The following SLC4A4 variants were observed in gnomAD, a reference collection of about 807,000 sequenced individuals.
SLC4A4 encodes the protein electrogenic sodium bicarbonate cotransporter 1.
In SLC4A4, 27 loss-of-function variants were observed where a neutral mutation model predicts 111.5. The observed-to-expected ratio is 0.24, with a 90% CI of 0.18 to 0.33. The LOEUF is 0.33. SLC4A4 is among the 10% of genes least tolerant of loss of function. The pLI is 1.00. For missense variants in SLC4A4, 909 were observed against 1,315.5 expected, an observed-to-expected ratio of 0.69 and a Z score of 4.78; for synonymous variants, 443 against 463.4, an observed-to-expected ratio of 0.96 and a Z score of 0.57.
rs1744803307 is a variant in SLC4A4 at position 71,167,290 on chromosome 4, C to A, written c.-1-69286C>A. On this transcript the variant is annotated intron_variant, in intron 2 of 26. Coordinates refer to the SLC4A4 transcript ENST00000649996. ...GGAGCCAAGCAAGGCAGCATTAGGA[C>A]AATTGGGTTTCTTATACAGCAGCTC... Among the ~76,000 whole-genome samples the A allele has an allele frequency of 2.0e-5, 3 of 152,158 alleles. No homozygotes were observed. The South Asian group carries it at 6.2e-4, about 32-fold the overall frequency.
At chr4:71,555,106 C>T (rs752179226) in intron 20 of SLC4A4, 34 bp from the exon 21 acceptor site, 9 of 1,434,682 alleles carry the variant, frequency 6.3e-6, no homozygotes, top group East Asian at 2.3e-5. Flanking sequence ...TTCTTGTTAT[C>T]ATTTTTAAGT....
At chr4:71,360,719 T>A (rs1395192457) in intron 6 of SLC4A4, among the ~76,000 whole-genome samples, 8 of 152,162 alleles carry the variant, frequency 5.3e-5, no homozygotes, top group Non-Finnish European at 1.5e-5. Context: ...TTGGCCAAGA[T>A]CAACTAAAGT....
intron 3 of SLC4A4, among the ~76,000 whole-genome samples, chr4:71,260,072 C>T (rs986470822): frequency 1.3e-5 from 2 of 152,054 alleles, no homozygotes; most frequent in Non-Finnish European, 2.9e-5. Flanking sequence ...TGGATGTGTA[C>T]CAGAACTGAT....
At chr4:71,292,842 G>GTTTTTTT (rs869195687) in intron 3 of SLC4A4, among the ~76,000 whole-genome samples, 3 of 110,184 alleles carry the variant, frequency 2.7e-5, no homozygotes, top group African/African-American at 7.8e-5. Flanking sequence ...GGTTTTTTTT[G>GTTTTTTT]TTTTTTTTTT....
intron 2 of SLC4A4, among the ~76,000 whole-genome samples, chr4:71,180,143 G>A (rs984780742): frequency 7.2e-5 from 11 of 152,192 alleles, no homozygotes; most frequent in African/African-American, 2.4e-4. Flanking sequence ...AAACTGGCTA[G>A]CCATATGTAG....
At chr4:71,377,773 A>G (rs1313452349) in intron 6 of SLC4A4, among the ~76,000 whole-genome samples, 3 of 152,218 alleles carry the variant, frequency 2.0e-5, no homozygotes, top group Non-Finnish European at 4.4e-5. Flanking sequence ...AAAGTTCTGC[A>G]CAGAAATAAT....
chr4:71,342,430 A>G (rs918584500), intron 4 of SLC4A4, among the ~76,000 whole-genome samples: 55 of 152,270 alleles, frequency 3.6e-4, no homozygotes, highest in Non-Finnish European at 5.0e-4. Context: ...TTTGCTGCTC[A>G]CTAGCTGTTT....
intron 2 of SLC4A4, among the ~76,000 whole-genome samples, chr4:71,164,758 G>C (rs1431946521): frequency 6.6e-6 from 1 of 152,188 alleles, no homozygotes; most frequent in East Asian, 1.9e-4. Flanking sequence ...TCATCAGAGC[G>C]AACAGGCAAC....
At chr4:71,290,078 G>A (rs1266236472) in intron 3 of SLC4A4, among the ~76,000 whole-genome samples, 1 of 152,016 alleles carries the variant, frequency 6.6e-6, no homozygotes, top group Non-Finnish European at 1.5e-5. Flanking sequence ...AAGTCTGCTG[G>A]GTTAGGAAAA....
intron 6 of SLC4A4, among the ~76,000 whole-genome samples, chr4:71,384,857 A>G (rs1718517716): frequency 6.6e-6 from 1 of 151,786 alleles, no homozygotes; most frequent in African/African-American, 2.4e-5. Flanking sequence ...ATGTAGGAGC[A>G]TCACACACAG....
At chr4:71,346,036 T>C (rs1366476791) in intron 4 of SLC4A4, among the ~76,000 whole-genome samples, 3 of 152,258 alleles carry the variant, frequency 2.0e-5, no homozygotes, top group South Asian at 2.1e-4. Flanking sequence ...GTAAAGGTCA[T>C]GTCTGTTTTC....
chr4:71,332,095 TTTTG>T (rs1728049365), intron 3 of SLC4A4, among the ~76,000 whole-genome samples: 1 of 152,156 alleles, frequency 6.6e-6, no homozygotes, highest in African/African-American at 2.4e-5. Context: ...GGTTTGTCAT[TTTTG>T]TTTATCTTTT....
chr4:71,349,632 A>G (rs1278802860), intron 4 of SLC4A4, among the ~76,000 whole-genome samples: 2 of 152,118 alleles, frequency 1.3e-5, no homozygotes, highest in Non-Finnish European at 2.9e-5. Flanking sequence ...GGTCTTAAGG[A>G]TCTCATGGTT....
intron 2 of SLC4A4, among the ~76,000 whole-genome samples, chr4:71,100,354 AAC>A (rs1560719032): frequency 6.6e-6 from 1 of 151,836 alleles, no homozygotes; most frequent in African/African-American, 2.4e-5. Flanking sequence ...ACAAAAAAAA[AAC>A]ACATGATTAT....
At chr4:71,145,636 G>T (rs1279618411) in intron 2 of SLC4A4, among the ~76,000 whole-genome samples, 1 of 152,124 alleles carries the variant, frequency 6.6e-6, no homozygotes, top group Non-Finnish European at 1.5e-5. Flanking sequence ...CCTGTTATTG[G>T]TGTATTCAGA....
chr4:71,297,009 G>A (rs1560387747), intron 3 of SLC4A4, among the ~76,000 whole-genome samples: 1 of 152,240 alleles, frequency 6.6e-6, no homozygotes. Flanking sequence ...GTAGGACTGA[G>A]AAGTATTGGA....
intron 3 of SLC4A4, among the ~76,000 whole-genome samples, chr4:71,290,550 A>G (rs904059761): frequency 6.6e-6 from 1 of 152,182 alleles, no homozygotes; most frequent in Non-Finnish European, 1.5e-5. Flanking sequence ...TTTCAGTGCA[A>G]AAGTGCATCA....
At chr4:71,516,259 C>G (rs112138382) in intron 16 of SLC4A4, among the ~76,000 whole-genome samples, 1 of 151,496 alleles carries the variant, frequency 6.6e-6, no homozygotes, top group Non-Finnish European at 1.5e-5. Context: ...CCACGCCCGG[C>G]TAATTTTTTT....
At chr4:71,184,189 T>C (rs1745383793), upstream of SLC4A4, among the ~76,000 whole-genome samples, 1 of 152,148 alleles carries the variant, frequency 6.6e-6, no homozygotes. Flanking sequence ...AATAATCCTA[T>C]CTGCAGGTCA....
Sources: gnomAD v4.1 joint callset for allele counts (sites outside exome capture counted in the v4.1 genomes callset) on GRCh38, gnomAD v4.1.1 for gene constraint, MANE v1.5 for transcripts, NCBI Gene and HGNC (gene_info 2026-07-23, HGNC 2026-07-21) for gene names.